REXO2: variants seen among roughly 807,000 people sequenced by gnomAD.
REXO2 encodes the protein oligoribonuclease, mitochondrial.
Under a neutral mutation model 30.9 loss-of-function variants are expected in REXO2, and 17 were observed. The observed-to-expected ratio is 0.55, with a 90% CI of 0.38 to 0.82. The LOEUF is 0.82. Among genes scored for constraint, REXO2 ranks in the 40% least tolerant of loss-of-function variants. REXO2 has a pLI of 0.00. For synonymous variants in REXO2, 105 were observed against 99.6 expected (o/e 1.05, Z -0.32); for missense variants, 253 against 293.2 (o/e 0.86, Z 1.00).
intron 3 of REXO2, chr11:114,444,277 A>G: frequency 1.6e-6 from 1 of 624,564 alleles, no homozygotes. Context: ...TTCTTCCCAG[A>G]GGTTAATATC....
chr11:114,447,775 C>A (rs1246385308), intron 5 of REXO2, 51 bp from the exon 6 acceptor site: 1 of 1,452,280 alleles, frequency 6.9e-7, no homozygotes, highest in Non-Finnish European at 9.5e-7. Flanking sequence ...GGTAATTGTT[C>A]AGTATATTTG....
rs1946535678 is a variant in REXO2, at chr11:114,450,039, C to T, written c.*64C>T. ...GCAACTTCTGGTGGTTTTTTTTTCT[C>T]ACGCTGATGGCTTGGCAGAGCACCT... On this transcript the variant is annotated 3_prime_UTR_variant, in exon 7 of 7. Coordinates refer to ENST00000265881, the MANE Select transcript of REXO2 (RefSeq NM_015523.4). 5 of 1,508,038 alleles carry T rather than the reference C, an allele frequency of 3.3e-6. No homozygotes were observed. Among genetic ancestry groups the T allele is most frequent in the South Asian group, 2.6e-5 (2 of 78,238 alleles). 93.4% of individuals were successfully genotyped at this position (1,508,038 alleles called of 1,614,324 possible).
intron 5 of REXO2, among the ~76,000 whole-genome samples, chr11:114,447,323 T>C (rs1020697555): frequency 2.0e-5 from 3 of 151,882 alleles, no homozygotes; most frequent in African/African-American, 4.8e-5. Flanking sequence ...TGTGAGAGGG[T>C]CAGTTGACAG....
At chr11:114,439,926 T>G in intron 1 of REXO2, 1 of 567,442 alleles carries the variant, frequency 1.8e-6, no homozygotes, top group South Asian at 2.1e-5. Flanking sequence ...TCCCTACCCC[T>G]CCGCCCAGAT....
intron 3 of REXO2, 32 bp downstream of exon 3, chr11:114,443,965 T>C (rs375748634): frequency 6.7e-7 from 1 of 1,501,278 alleles, no homozygotes; most frequent in Non-Finnish European, 9.2e-7. Flanking sequence ...ATTGCTGCTT[T>C]GGGGATCAGT....
chr11:114,447,896 C>T lies in REXO2; in HGVS notation c.584+17C>T, dbSNP rs748607141. 6.2e-7 allele frequency: 1 copy of T among 1,609,546 alleles called. No individual in the cohort carries two copies. Among genetic ancestry groups the T allele is most frequent in the South Asian group, 1.1e-5 (1 of 90,620 alleles). Reference sequence around the variant, plus strand: ...TTCTCATAGGTAAGTTTGAGTTCTACCAAGCGTTTTCCAGTCTGACACACA... The same window carrying T: ...TTCTCATAGGTAAGTTTGAGTTCTATCAAGCGTTTTCCAGTCTGACACACA... On this transcript the variant is annotated intron_variant, in intron 6 of 6. Transcript: ENST00000265881.
intron 4 of REXO2, among the ~76,000 whole-genome samples, chr11:114,444,956 T>A (rs1418584180): frequency 6.6e-6 from 1 of 152,230 alleles, no homozygotes; most frequent in Non-Finnish European, 1.5e-5. Flanking sequence ...GTTAACCTTG[T>A]GTCGTATTTG....
intron 3 of REXO2, 97 bp downstream of exon 3, chr11:114,444,030 A>T (rs868529421): frequency 3.4e-6 from 3 of 875,948 alleles, no homozygotes; most frequent in Non-Finnish European, 5.6e-6. Context: ...ATGGTATTTT[A>T]AAAAGGCTTA....
At chr11:114,447,676 G>GA in intron 5 of REXO2, 150 bp from the exon 6 acceptor site, 1 of 562,564 alleles carries the variant, frequency 1.8e-6, no homozygotes, top group South Asian at 2.6e-5. Flanking sequence ...AAAGAGAGGA[G>GA]AGGGTAGAAG....
At chr11:114,440,856 G>A (rs1946472059) in intron 2 of REXO2, 117 bp downstream of exon 2, 2 of 749,508 alleles carry the variant, frequency 2.7e-6, no homozygotes, top group Non-Finnish European at 4.4e-6. Flanking sequence ...ATGGGTTAAG[G>A]TAATGTGCTA....
chr11:114,439,889 A>G, intron 1 of REXO2: 2 of 597,874 alleles, frequency 3.3e-6, no homozygotes, highest in Non-Finnish European at 5.8e-6. Context: ...TCCACAAGGG[A>G]GGAGTCCTCC....
At chr11:114,449,708 T>C (rs1278527104) in intron 6 of REXO2, 138 bp from the exon 7 acceptor site, 1 of 759,110 alleles carries the variant, frequency 1.3e-6, no homozygotes, top group Non-Finnish European at 2.0e-6. Context: ...TGAAATGTTC[T>C]ACTTTTGATG....
rs534388844 is a variant in REXO2, at chr11:114,444,347, A to G, written c.310-194A>G. On this transcript the variant is annotated intron_variant, in intron 3 of 6. Coordinates refer to ENST00000265881, the MANE Select transcript of REXO2 (RefSeq NM_015523.4). ...ACATGCTATTAACAGTCAGGATCAT[A>G]ACTAAGTTGGCTTGGATTCTTGAAG... is the stretch of plus-strand genomic sequence containing the variant. The G allele has an allele frequency of 2.0e-5, 13 of 637,894 alleles. No individual in the cohort carries two copies. The East Asian group carries it at 3.7e-4, about 18-fold the overall frequency. 39.5% of individuals were successfully genotyped at this position (637,894 alleles called of 1,614,324 possible). A position where few individuals can be genotyped will look rare whatever the true frequency, so the allele number is the denominator to read the frequency against.
At chr11:114,447,002 G>A (rs921918666) in intron 5 of REXO2, among the ~76,000 whole-genome samples, 17 of 146,786 alleles carry the variant, frequency 1.2e-4, no homozygotes, top group African/African-American at 3.3e-4. Flanking sequence ...GCTGTGGCGC[G>A]ATCTCCGCTC....
intron 1 of REXO2, chr11:114,439,986 G>C (rs1040622657): frequency 1.6e-5 from 8 of 502,772 alleles, no homozygotes; most frequent in Admixed American, 9.6e-5. Flanking sequence ...TCACTGGAGT[G>C]GGGGCGGGGG....
intron 6 of REXO2, among the ~76,000 whole-genome samples, chr11:114,448,470 G>A (rs1946524953): frequency 6.6e-6 from 1 of 152,108 alleles, no homozygotes; most frequent in African/African-American, 2.4e-5. Flanking sequence ...CCCCTATGAT[G>A]TACCTTGCAC....
intron 6 of REXO2, 68 bp from the exon 7 acceptor site, chr11:114,449,778 G>C: frequency 2.0e-6 from 3 of 1,493,508 alleles, no homozygotes; most frequent in African/African-American, 1.4e-5. Flanking sequence ...TTTAAAAGTT[G>C]TACTTTTAAA....
intron 2 of REXO2, among the ~76,000 whole-genome samples, chr11:114,442,116 G>A (rs1428093129): frequency 6.6e-6 from 1 of 151,016 alleles, no homozygotes; most frequent in Non-Finnish European, 1.5e-5. Flanking sequence ...GCAGATGAAT[G>A]CAGCATTTGT....
intron 6 of REXO2, 40 bp from the exon 7 acceptor site, chr11:114,449,806 G>C (rs1292826221): frequency 1.3e-6 from 2 of 1,578,344 alleles, no homozygotes; most frequent in Non-Finnish European, 1.7e-6. Context: ...TCATCTCCTG[G>C]TTTTGGACAG....
Sources: allele counts gnomAD v4.1 joint callset (sites outside exome capture counted in the v4.1 genomes callset), GRCh38; gene constraint gnomAD v4.1.1; transcripts MANE v1.5; gene names NCBI Gene and HGNC (gene_info 2026-07-23, HGNC 2026-07-21).